RNLS: variants seen among roughly 807,000 people sequenced by gnomAD.
RNLS encodes the protein renalase, FAD dependent amine oxidase, also known as renalase.
RNLS carries 39 observed loss-of-function variants against 39.8 expected under a neutral mutation model. That is an observed-to-expected ratio of 0.98 (90% confidence interval 0.76 to 1.28). The LOEUF is 1.28. RNLS is among the 50% of genes most tolerant of loss of function. RNLS has a pLI of 0.00. For synonymous variants in RNLS, 147 were observed against 150.7 expected (o/e 0.98, Z 0.18); for missense variants, 410 against 413.3 (o/e 0.99, Z 0.07).
At chr10:88,356,060 C>G (rs540261152) in intron 5 of RNLS, among the ~76,000 whole-genome samples, 1 of 152,330 alleles carries the variant, frequency 6.6e-6, no homozygotes, top group Admixed American at 6.5e-5. Context: ...TTGCTAAGAC[C>G]ATTGGAAAAG....
intron 4 of RNLS, among the ~76,000 whole-genome samples, chr10:88,365,552 C>T (rs1473294125): frequency 3.3e-5 from 4 of 122,968 alleles, no homozygotes; most frequent in Non-Finnish European, 5.2e-5. Flanking sequence ...CACACACACA[C>T]ACACGTACGT....
intron 4 of RNLS, among the ~76,000 whole-genome samples, chr10:88,469,345 G>C (rs2133970040): frequency 6.6e-6 from 1 of 152,318 alleles, no homozygotes; most frequent in East Asian, 1.9e-4. Context: ...ATGTGGCTCA[G>C]ATAGAGACAA....
intron 6 of RNLS, among the ~76,000 whole-genome samples, chr10:88,299,711 T>C (rs982174707): frequency 2.0e-5 from 3 of 152,262 alleles, no homozygotes; most frequent in Non-Finnish European, 2.9e-5. Flanking sequence ...TAAGGTGTTA[T>C]GTTCAGGTCT....
chr10:88,535,183 C>T (rs1189253874), intron 4 of RNLS, among the ~76,000 whole-genome samples: 2 of 152,024 alleles, frequency 1.3e-5, no homozygotes, highest in African/African-American at 2.4e-5. Flanking sequence ...ATGGTTACTG[C>T]TATTTCTTAC....
intron 6 of RNLS, among the ~76,000 whole-genome samples, chr10:88,305,466 T>C (rs925151036): frequency 6.6e-6 from 1 of 152,094 alleles, no homozygotes; most frequent in African/African-American, 2.4e-5. Context: ...CATGCAATGA[T>C]GCATATAGGC....
intron 4 of RNLS, among the ~76,000 whole-genome samples, chr10:88,416,423 T>G (rs1854033239): frequency 6.6e-6 from 1 of 151,844 alleles, no homozygotes; most frequent in Admixed American, 6.6e-5. Flanking sequence ...CCGGCTAATT[T>G]CGTATTTTTA....
At chr10:88,271,107 C>T (rs1357667552), downstream of RNLS, among the ~76,000 whole-genome samples, 2 of 152,126 alleles carry the variant, frequency 1.3e-5, no homozygotes, top group Admixed American at 1.3e-4. Context: ...GGTACTGGAG[C>T]CTGCCTTTGA....
chr10:88,246,333 G>A, the RNLS span, among the ~76,000 whole-genome samples: 4 of 152,144 alleles, frequency 2.6e-5, no homozygotes, highest in Non-Finnish European at 5.9e-5. Flanking sequence ...TTAATGGCAT[G>A]TCATGAACCT....
At chr10:88,275,096 G>C (rs1842764382) in intron 6 of RNLS, 1 of 1,137,716 alleles carries the variant, frequency 8.8e-7, no homozygotes, top group African/African-American at 1.5e-5. Flanking sequence ...CTGACACCTT[G>C]TCTACACTAA....
intron 6 of RNLS, among the ~76,000 whole-genome samples, chr10:88,277,139 T>C (rs1050001109): frequency 6.6e-6 from 1 of 152,198 alleles, no homozygotes; most frequent in African/African-American, 2.4e-5. Context: ...TGGAATATTA[T>C]GCAGCCATAA....
downstream of RNLS, among the ~76,000 whole-genome samples, chr10:88,271,369 T>C (rs146533892): frequency 3.3e-5 from 5 of 152,310 alleles, no homozygotes; most frequent in Non-Finnish European, 7.4e-5. Flanking sequence ...TTTCAGTTCC[T>C]TCTGAGACAT....
chr10:88,500,346 G>A (rs1329603742), intron 4 of RNLS, among the ~76,000 whole-genome samples: 1 of 152,072 alleles, frequency 6.6e-6, no homozygotes, highest in South Asian at 2.1e-4. Context: ...GATACAATTT[G>A]TTCCAGCTAA....
At chr10:88,388,424 A>T (rs1424014262) in intron 4 of RNLS, among the ~76,000 whole-genome samples, 1 of 152,180 alleles carries the variant, frequency 6.6e-6, no homozygotes, top group Non-Finnish European at 1.5e-5. Flanking sequence ...ATGCCTGAGA[A>T]TAATTCAAAA....
intron 4 of RNLS, among the ~76,000 whole-genome samples, chr10:88,471,254 CT>C (rs34928919): frequency 0.34 from 51,643 of 151,938 alleles, 10,432 homozygotes; most frequent in African/African-American, 0.56. Context: ...TAATAGATAA[CT>C]GAATTATTTC....
chr10:88,548,123 A>C (rs1438059273), intron 4 of RNLS, among the ~76,000 whole-genome samples: 2 of 151,356 alleles, frequency 1.3e-5, no homozygotes, highest in African/African-American at 2.4e-5. Flanking sequence ...TTAGCTGGGC[A>C]TGGTGGCGTG....
At chr10:88,199,251 T>C in the RNLS span, among the ~76,000 whole-genome samples, 2,811 of 152,300 alleles carry the variant, frequency 0.018, 95 homozygotes, top group African/African-American at 0.063. Flanking sequence ...AACATCTAGA[T>C]AGATTTAAGA....
intron 4 of RNLS, among the ~76,000 whole-genome samples, chr10:88,543,257 C>A (rs1397947818): frequency 6.6e-6 from 1 of 152,088 alleles, no homozygotes; most frequent in East Asian, 1.9e-4. Context: ...CATCCTCTCC[C>A]CAGCCCCCAT....
chr10:88,337,009 G>A (rs1239878374), intron 5 of RNLS, among the ~76,000 whole-genome samples: 1 of 152,142 alleles, frequency 6.6e-6, no homozygotes, highest in Non-Finnish European at 1.5e-5. Context: ...ATAGGGGTGA[G>A]GGATGACAGG....
At chr10:88,483,052 G>A (rs1844290713) in intron 4 of RNLS, among the ~76,000 whole-genome samples, 1 of 151,902 alleles carries the variant, frequency 6.6e-6, no homozygotes, top group African/African-American at 2.4e-5. Context: ...TTTTAAACCT[G>A]GATTCCTACA....
Sources: allele counts gnomAD v4.1 joint callset (sites outside exome capture counted in the v4.1 genomes callset), GRCh38; gene constraint gnomAD v4.1.1; transcripts MANE v1.5; gene names NCBI Gene and HGNC (gene_info 2026-07-23, HGNC 2026-07-21).